Variants in SKP2 observed in about 807,000 individuals in gnomAD.
SKP2 encodes S-phase kinase associated protein 2.
Under a neutral mutation model 51.8 loss-of-function variants are expected in SKP2, and 16 were observed. The observed-to-expected ratio is 0.31, with a 90% confidence interval of 0.21 to 0.47. The LOEUF (loss-of-function observed/expected upper bound fraction) is 0.47. SKP2 is among the 20% of genes least tolerant of loss of function. The probability of loss-of-function intolerance (pLI) is 1.00; values close to 1 mark genes in which losing one functional copy is unlikely to be tolerated. For synonymous variants in SKP2, 176 were observed against 198.6 expected, an observed-to-expected ratio of 0.89 and a Z score of 0.96; for missense variants, 377 against 505.3, an observed-to-expected ratio of 0.75 and a Z score of 2.43.
intron 7 of SKP2, among the ~76,000 whole-genome samples, chr5:36,172,072 G>A (rs1251021066): frequency 1.3e-5 from 2 of 152,174 alleles, no homozygotes. Flanking sequence ...ATTAAGTAGT[G>A]GTTGTTCATT....
chr5:36,171,241 A>G (rs150340962), intron 6 of SKP2, among the ~76,000 whole-genome samples: 3 of 152,308 alleles, frequency 2.0e-5, no homozygotes, highest in African/African-American at 4.8e-5. Flanking sequence ...CAATCCATCA[A>G]TTGCGTAAAA....
chr5:36,191,305 C>T (rs13160147), intron 6 of SKP2, among the ~76,000 whole-genome samples: 46,340 of 151,642 alleles, frequency 0.31, 8,258 homozygotes, highest in Non-Finnish European at 0.41. Context: ...GCTAACCATC[C>T]GAAAACAGGA....
chr5:36,163,646 T>G lies in SKP2; in HGVS notation c.282T>G (p.Gly94=). 6.2e-7 allele frequency: 1 copy of G among 1,601,148 alleles called. No individual in the cohort carries two copies. ...CAAACACTTGTTTTCCCTCCAAAGGTGTTTCATGGGACTCCCTTCCGGATG... is the reference window on the plus strand; with the variant it reads ...CAAACACTTGTTTTCCCTCCAAAGGGGTTTCATGGGACTCCCTTCCGGATG... ...RPKLNRENFP[G]VSWDSLPDEL... Residue 94 remains glycine (G), a splice_region_variant and synonymous_variant, in exon 3 of 10, where the codon GGT becomes GGG. Transcript: ENST00000274255.
chr5:36,176,719 T>C (rs191919267), intron 7 of SKP2, among the ~76,000 whole-genome samples: 6 of 152,150 alleles, frequency 3.9e-5, no homozygotes, highest in African/African-American at 1.2e-4. Flanking sequence ...CAGCCTGCTA[T>C]TGCTGATACA....
chr5:36,166,521 C>G lies in SKP2; in HGVS notation c.395C>G (p.Ser132Cys). The G allele has an allele frequency of 6.2e-7, 1 of 1,613,968 alleles. No homozygotes were observed. ...GVCKRWYRLA[S>C]DESLWQTLDL... ...ATTAAGTATCTCCTCTTTTATAGGT[C>G]TGATGAGTCTCTATGGCAGACCTTA... The change falls in exon 4 of 10, where the codon TCT (serine) becomes TGT (cysteine). Residue 132 changes from serine (S) to cysteine (C), a missense_variant and splice_region_variant. Around this residue, in one of 2 missense-constraint regions of SKP2, gnomAD observed 262 missense variants for 389.8 expected, o/e 0.67. Coordinates refer to ENST00000274255, the MANE Select transcript of SKP2 (RefSeq NM_005983.4).
intron 5 of SKP2, among the ~76,000 whole-genome samples, chr5:36,169,261 A>G (rs1745391458): frequency 6.6e-6 from 1 of 152,158 alleles, no homozygotes; most frequent in African/African-American, 2.4e-5. Context: ...CCTGGCCAAC[A>G]TGGTGAAATC....
intron 2 of SKP2, among the ~76,000 whole-genome samples, chr5:36,158,764 C>A (rs1745031659): frequency 6.6e-6 from 1 of 152,124 alleles, no homozygotes; most frequent in South Asian, 2.1e-4. Flanking sequence ...AGTTTAAATT[C>A]CCCCTCTGCC....
chr5:36,177,039 T>A, intron 8 of SKP2, 23 bp downstream of exon 8: 2 of 1,540,926 alleles, frequency 1.3e-6, no homozygotes. Flanking sequence ...TTGTTTATTT[T>A]AGATCAAAAG....
chr5:36,185,879 C>G (rs192228447), downstream of SKP2, among the ~76,000 whole-genome samples: 512 of 152,274 alleles, frequency 3.4e-3, 1 homozygote, highest in African/African-American at 0.012. Flanking sequence ...TTCTTCCTAT[C>G]CATGAGCATG....
chr5:36,160,750 A>G (rs539020734), intron 2 of SKP2, among the ~76,000 whole-genome samples: 65 of 152,162 alleles, frequency 4.3e-4, no homozygotes, highest in Non-Finnish European at 7.8e-4. Flanking sequence ...GCAGGGCAAG[A>G]GCCTGGTTTG....
At chr5:36,157,595 A>T in intron 2 of SKP2, among the ~76,000 whole-genome samples, 1 of 152,216 alleles carries the variant, frequency 6.6e-6, no homozygotes, top group Non-Finnish European at 1.5e-5. Context: ...GAAAGAAAGC[A>T]TGGGGTATTG....
chr5:36,182,538 GAA>G lies in SKP2; in HGVS notation c.*509_*510del. ...CTGAGGCCATCTTTTCTAGGAATAGGAAAGAGAAAAATGTATTTGAATTTTGC... is the reference window on the plus strand; with the variant it reads ...CTGAGGCCATCTTTTCTAGGAATAGGAGAGAAAAATGTATTTGAATTTTGC... On this transcript the variant is annotated 3_prime_UTR_variant, in exon 10 of 10. Coordinates refer to ENST00000274255, the MANE Select transcript of SKP2 (RefSeq NM_005983.4). 1.0e-6 allele frequency: 1 copy of G among 984,894 alleles called. No homozygotes were observed. Among genetic ancestry groups the G allele is most frequent in the South Asian group, 4.7e-5 (1 of 21,280 alleles). The allele number at this position is 984,894 out of a possible 1,614,324, so 61.0% of individuals were successfully genotyped here. A position where few individuals can be genotyped will look rare whatever the true frequency, so the allele number is the denominator to read the frequency against.
At chr5:36,152,393 C>T in intron 1 of SKP2, 123 bp downstream of exon 1, 2 of 964,372 alleles carry the variant, frequency 2.1e-6, no homozygotes, top group Admixed American at 1.9e-5. Flanking sequence ...TTGCTTAGCC[C>T]CTTCTTGGGG....
chr5:36,170,883 G>A (rs867376342), intron 6 of SKP2, among the ~76,000 whole-genome samples: 2 of 152,080 alleles, frequency 1.3e-5, no homozygotes, highest in Non-Finnish European at 2.9e-5. Context: ...GCACATAAAG[G>A]GTACAGAGTT....
chr5:36,191,797 T>C (rs1160260813), intron 6 of SKP2, among the ~76,000 whole-genome samples: 1 of 152,068 alleles, frequency 6.6e-6, no homozygotes, highest in Admixed American at 6.6e-5. Context: ...TCCTCTTTCT[T>C]TACTATTCCT....
At chr5:36,189,964 T>G (rs1745991129) in intron 6 of SKP2, among the ~76,000 whole-genome samples, 1 of 152,156 alleles carries the variant, frequency 6.6e-6, no homozygotes, top group Non-Finnish European at 1.5e-5. Flanking sequence ...CAGTTCGATC[T>G]CAGACTGCTG....
intron 9 of SKP2, among the ~76,000 whole-genome samples, chr5:36,177,760 T>TATA (rs1745680824): frequency 6.6e-6 from 1 of 152,068 alleles, no homozygotes; most frequent in South Asian, 2.1e-4. Context: ...ATTGGAAAGA[T>TATA]ATAAGCCTGT....
rs554455483 is a variant in SKP2 at position 36,182,097 on chromosome 5, G to A, written c.*66G>A. 2 of 1,568,250 alleles carry A rather than the reference G, an allele frequency of 1.3e-6. No individual in the cohort carries two copies. Among genetic ancestry groups the A allele is most frequent in the East Asian group, 4.6e-5 (2 of 43,068 alleles). ...AAAATAGGCAGGAAGCCCAATTGCT[G>A]GAGTACTTAGCTAGTTTTATTCTTG... On this transcript the variant is annotated 3_prime_UTR_variant, in exon 10 of 10. Transcript: ENST00000274255.
At chr5:36,161,000 C>G (rs1745104522) in intron 2 of SKP2, among the ~76,000 whole-genome samples, 1 of 151,960 alleles carries the variant, frequency 6.6e-6, no homozygotes, top group Non-Finnish European at 1.5e-5. Context: ...ATCTCCTACT[C>G]ATTCTTCAAG....
Sources: gnomAD v4.1 joint callset for allele counts (sites outside exome capture counted in the v4.1 genomes callset) on GRCh38, gnomAD v4.1.1 for gene constraint, gnomAD v4.1.1 regional missense constraint, MANE v1.5 for transcripts, NCBI Gene and HGNC (gene_info 2026-07-23, HGNC 2026-07-21) for gene names.